LIN52: variants seen among roughly 807,000 people sequenced by gnomAD.
LIN52 encodes the protein protein lin-52 homolog.
Under a neutral mutation model 18.5 loss-of-function variants are expected in LIN52, and 4 were observed. That is an observed-to-expected ratio of 0.22 (90% CI 0.11 to 0.49). LIN52 has a LOEUF of 0.49. Ranked by LOEUF, LIN52 falls within the 20% of genes least tolerant of loss-of-function variation. The pLI, the probability that LIN52 is intolerant of heterozygous loss-of-function variation, is 0.97. For synonymous variants in LIN52, 34 were observed against 45.5 expected, an observed-to-expected ratio of 0.75 and a Z score of 1.02; for missense variants, 102 against 139.5, an observed-to-expected ratio of 0.73 and a Z score of 1.35.
chr14:74,130,292 T>TG, intron 5 of LIN52, among the ~76,000 whole-genome samples: 2 of 140,164 alleles, frequency 1.4e-5, no homozygotes, highest in Non-Finnish European at 1.5e-5. Context: ...TTTTTTTTTT[T>TG]TTTTGAGACA....
chr14:74,155,036 A>G (rs978363531), intron 5 of LIN52, among the ~76,000 whole-genome samples: 1 of 152,238 alleles, frequency 6.6e-6, no homozygotes, highest in African/African-American at 2.4e-5. Context: ...AAAGCAATCA[A>G]ATAAGTACTA....
intron 5 of LIN52, among the ~76,000 whole-genome samples, chr14:74,193,214 G>T (rs888665139): frequency 6.8e-6 from 1 of 147,176 alleles, no homozygotes; most frequent in Admixed American, 6.9e-5. Flanking sequence ...ATCCTTCCAT[G>T]CTTGAAGCTA....
chr14:74,177,204 G>T (rs964499345), intron 5 of LIN52, among the ~76,000 whole-genome samples: 1 of 152,092 alleles, frequency 6.6e-6, no homozygotes, highest in Admixed American at 6.6e-5. Flanking sequence ...CTCCATGTTG[G>T]TCAGGCTGGT....
intron 5 of LIN52, among the ~76,000 whole-genome samples, chr14:74,143,943 C>A (rs1309716039): frequency 6.6e-6 from 1 of 152,102 alleles, no homozygotes; most frequent in Non-Finnish European, 1.5e-5. Flanking sequence ...GCCCTCTTCT[C>A]CCCTCTTTCC....
At chr14:74,116,830 G>GTT (rs773924970) in intron 5 of LIN52, among the ~76,000 whole-genome samples, 1 of 140,170 alleles carries the variant, frequency 7.1e-6, no homozygotes, top group African/African-American at 2.6e-5. Flanking sequence ...TACAGCAGGT[G>GTT]TTTTTTTTTT....
At chr14:74,138,062 CCTT>C (rs1256927179) in intron 5 of LIN52, among the ~76,000 whole-genome samples, 10 of 152,146 alleles carry the variant, frequency 6.6e-5, no homozygotes, top group South Asian at 4.1e-4. Context: ...GACCTTATTC[CCTT>C]CTTCTTAAAA....
At position 74,201,313 on chromosome 14, in the gene LIN52, T is replaced by C. The variant is rs550604146; in HGVS notation, c.*2336T>C. 2 of 152,306 alleles carry C rather than the reference T, an allele frequency of 1.3e-5. No homozygotes were observed. Among genetic ancestry groups the C allele is most frequent in the African/African-American group, 4.8e-5 (2 of 41,564 alleles). 9.4% of individuals were successfully genotyped at this position (152,306 alleles called of 1,614,324 possible). A position where few individuals can be genotyped will look rare whatever the true frequency, so the allele number is the denominator to read the frequency against. On this transcript the variant is annotated 3_prime_UTR_variant, in exon 6 of 6. Coordinates refer to ENST00000555028, the MANE Select transcript of LIN52 (RefSeq NM_001024674.3). ...TCCCCAGAAAGTACAACTGTAATGA[T>C]AAATAATCTACTGTTTTCCCCCTTA...
intron 5 of LIN52, among the ~76,000 whole-genome samples, chr14:74,169,630 AC>A (rs1338908004): frequency 6.6e-6 from 1 of 152,234 alleles, no homozygotes; most frequent in Non-Finnish European, 1.5e-5. Flanking sequence ...TAGTTGCAAT[AC>A]AGAAAGAAAG....
chr14:74,114,164 T>C, intron 5 of LIN52: 7 of 958,196 alleles, frequency 7.3e-6, no homozygotes, highest in Non-Finnish European at 8.5e-6. Flanking sequence ...TTTTTTAATA[T>C]AACTGAGATT....
chr14:74,099,146 A>G (rs977495700), intron 4 of LIN52, among the ~76,000 whole-genome samples: 17 of 152,148 alleles, frequency 1.1e-4, no homozygotes, highest in African/African-American at 4.1e-4. Flanking sequence ...GATAAGATTC[A>G]TGATGATTGT....
chr14:74,180,559 A>G (rs1010343708), intron 5 of LIN52, among the ~76,000 whole-genome samples: 5 of 152,118 alleles, frequency 3.3e-5, no homozygotes, highest in Non-Finnish European at 5.9e-5. Flanking sequence ...CGCCCAGCCT[A>G]GGGAGGAGGA....
At chr14:74,156,468 CTTTG>C (rs2061199514) in intron 5 of LIN52, among the ~76,000 whole-genome samples, 1 of 152,044 alleles carries the variant, frequency 6.6e-6, no homozygotes, top group South Asian at 2.1e-4. Flanking sequence ...TACTTCTTTT[CTTTG>C]TTTTTTATGG....
chr14:74,089,400 G>A (rs1266428534), intron 1 of LIN52, among the ~76,000 whole-genome samples: 1 of 149,918 alleles, frequency 6.7e-6, no homozygotes, highest in Non-Finnish European at 1.5e-5. Flanking sequence ...ACAGGATGTG[G>A]CTCTATCACC....
intron 5 of LIN52, among the ~76,000 whole-genome samples, chr14:74,180,463 G>T (rs984670091): frequency 1.3e-4 from 19 of 151,666 alleles, no homozygotes; most frequent in Non-Finnish European, 2.4e-4. Flanking sequence ...GTAGAGATGG[G>T]GTTTCACCGT....
At chr14:74,152,501 T>C (rs1001007806) in intron 5 of LIN52, among the ~76,000 whole-genome samples, 7 of 152,118 alleles carry the variant, frequency 4.6e-5, no homozygotes, top group South Asian at 2.1e-4. Flanking sequence ...ACAACAGCCC[T>C]GTAAGTTGGA....
At chr14:74,086,582 G>A (rs544792029) in intron 1 of LIN52, among the ~76,000 whole-genome samples, 4 of 152,174 alleles carry the variant, frequency 2.6e-5, no homozygotes, top group South Asian at 2.1e-4. Context: ...TTGAGCCCAG[G>A]GGGTGGAGGC....
At chr14:74,138,846 A>T (rs1253645964) in intron 5 of LIN52, among the ~76,000 whole-genome samples, 1 of 152,072 alleles carries the variant, frequency 6.6e-6, no homozygotes, top group Non-Finnish European at 1.5e-5. Flanking sequence ...ATAGGTGAAA[A>T]GGTTGTGAAT....
intron 5 of LIN52, among the ~76,000 whole-genome samples, chr14:74,190,442 A>G (rs2061359062): frequency 8.1e-6 from 1 of 123,448 alleles, no homozygotes. Flanking sequence ...CCCAGGCTTG[A>G]GTACACTGGT....
At chr14:74,131,120 A>G (rs911652362) in intron 5 of LIN52, among the ~76,000 whole-genome samples, 6 of 151,786 alleles carry the variant, frequency 4.0e-5, no homozygotes, top group Admixed American at 6.6e-5. Context: ...AAGTATTCCT[A>G]TTGTCTATTT....
Sources: gnomAD v4.1 joint callset for allele counts (sites outside exome capture counted in the v4.1 genomes callset) on GRCh38, gnomAD v4.1.1 for gene constraint, MANE v1.5 for transcripts, NCBI Gene and HGNC (gene_info 2026-07-23, HGNC 2026-07-21) for gene names.